KAZN: variants seen among roughly 807,000 people sequenced by gnomAD.
The protein encoded by KAZN is kazrin, periplakin interacting protein, also known as kazrin.
In KAZN, 40 loss-of-function variants were observed where a neutral mutation model predicts 87.4. The observed-to-expected ratio is 0.46, with a 90% CI of 0.36 to 0.60. KAZN has a LOEUF of 0.60. Among genes scored for constraint, KAZN ranks in the 20% least tolerant of loss-of-function variants. The pLI, the probability that KAZN is intolerant of heterozygous loss-of-function variation, is 0.00. For missense variants in KAZN, 898 were observed against 1,073.9 expected, an observed-to-expected ratio of 0.84 and a Z score of 2.29; for synonymous variants, 466 against 458.3, an observed-to-expected ratio of 1.02 and a Z score of -0.22.
At chr1:14,655,894 G>A (rs558372894) in intron 1 of KAZN, among the ~76,000 whole-genome samples, 79 of 152,254 alleles carry the variant, frequency 5.2e-4, no homozygotes, top group African/African-American at 1.8e-3. Context: ...TTTACTGGGG[G>A]CTTACATACA....
At position 15,034,729 on chromosome 1, in the gene KAZN, ACTCT is replaced by A; in HGVS notation, c.419-16_419-13del. 6.2e-7 allele frequency: 1 copy of A among 1,613,710 alleles called. No individual in the cohort carries two copies. The highest frequency in any genetic ancestry group is 8.5e-7 in the Non-Finnish European group (1 of 1,179,864). On this transcript the variant is annotated splice_polypyrimidine_tract_variant and intron_variant, in intron 2 of 14. Transcript: ENST00000376030. ...AGGACAGCTGGGGTCTTGGGAACTAACTCTCTCCTTTATCCCCAGCCATGAAAGC... is the reference window on the plus strand; with the variant it reads ...AGGACAGCTGGGGTCTTGGGAACTAACTCCTTTATCCCCAGCCATGAAAGC...
chr1:14,335,095 A>T (rs1657137984), intron 2 of KAZN, among the ~76,000 whole-genome samples: 1 of 139,076 alleles, frequency 7.2e-6, no homozygotes, highest in Non-Finnish European at 1.6e-5. Flanking sequence ...ATCCCTCATG[A>T]ATGACTCGGT....
At chr1:14,000,918 GACTACAGGCGCCCGCC>G (rs1287908732) in intron 1 of KAZN, among the ~76,000 whole-genome samples, 1 of 151,136 alleles carries the variant, frequency 6.6e-6, no homozygotes, top group African/African-American at 2.4e-5. Context: ...AAGTAGCTGG[GACTACAGGCGCCCGCC>G]ACTACGCCCG....
At chr1:14,040,697 G>A (rs1291709281) in intron 1 of KAZN, among the ~76,000 whole-genome samples, 2 of 151,642 alleles carry the variant, frequency 1.3e-5, no homozygotes, top group African/African-American at 2.4e-5. Context: ...CTCGGGAGGC[G>A]GAGGTTGCGG....
chr1:14,903,162 C>G (rs1656125098), intron 1 of KAZN, among the ~76,000 whole-genome samples: 1 of 152,164 alleles, frequency 6.6e-6, no homozygotes, highest in Admixed American at 6.5e-5. Context: ...AGCCACCACA[C>G]CTGGCCGCCT....
At chr1:14,305,162 A>C (rs1654835161) in intron 2 of KAZN, among the ~76,000 whole-genome samples, 1 of 152,144 alleles carries the variant, frequency 6.6e-6, no homozygotes. Flanking sequence ...TAGCTAGAAA[A>C]TAGTCAGCTG....
intron 2 of KAZN, among the ~76,000 whole-genome samples, chr1:14,534,651 A>AC (rs1672387396): frequency 2.0e-5 from 3 of 152,194 alleles, no homozygotes; most frequent in Non-Finnish European, 4.4e-5. Flanking sequence ...TCTCAAAAAA[A>AC]TAAAAAATAA....
chr1:13,942,432 C>T (rs988921772), intron 1 of KAZN, among the ~76,000 whole-genome samples: 10 of 146,664 alleles, frequency 6.8e-5, no homozygotes, highest in African/African-American at 2.3e-4. Context: ...CCCAGCTACT[C>T]GGGAGGCTGA....
At chr1:14,788,809 G>A (rs917189046) in intron 1 of KAZN, among the ~76,000 whole-genome samples, 5 of 152,082 alleles carry the variant, frequency 3.3e-5, no homozygotes, top group African/African-American at 4.8e-5. Flanking sequence ...ACTTGTACAC[G>A]TAGGAGGTCA....
chr1:14,423,039 T>C (rs1214928775), intron 2 of KAZN, among the ~76,000 whole-genome samples: 2 of 152,250 alleles, frequency 1.3e-5, no homozygotes, highest in African/African-American at 4.8e-5. Context: ...TTATCACTTT[T>C]ATAAACAGAT....
At chr1:14,814,501 A>G (rs937620046) in intron 1 of KAZN, among the ~76,000 whole-genome samples, 1 of 152,218 alleles carries the variant, frequency 6.6e-6, no homozygotes, top group African/African-American at 2.4e-5. Context: ...GGCGTGAGCC[A>G]CTGCGCCTGG....
rs913946936 is a variant in KAZN at position 15,045,181 on chromosome 1, A to G, written c.726+1022A>G. On this transcript the variant is annotated intron_variant, in intron 4 of 14. Coordinates refer to ENST00000376030, the MANE Select transcript of KAZN (RefSeq NM_201628.3). ...CTTAATCCCACCCTACCTTCCCCAC[A>G]GGGTGGCTGGGCAGATCCAGGGAGC... 2.0e-5 allele frequency among the ~76,000 whole-genome samples: 3 copies of G among 152,160 alleles called. No homozygotes were observed. The East Asian group carries it at 5.8e-4, about 29-fold the overall frequency.
chr1:14,681,335 T>C (rs556973904), intron 1 of KAZN, among the ~76,000 whole-genome samples: 33 of 152,246 alleles, frequency 2.2e-4, no homozygotes, highest in African/African-American at 7.2e-4. Flanking sequence ...TATGGACATT[T>C]GTGTTCAAGT....
At chr1:14,384,769 A>G (rs1266696063) in intron 2 of KAZN, among the ~76,000 whole-genome samples, 1 of 151,698 alleles carries the variant, frequency 6.6e-6, no homozygotes, top group East Asian at 2.0e-4. Context: ...ATATTGGTCT[A>G]AAATTCTCTT....
chr1:14,716,105 T>C (rs559887941), intron 1 of KAZN, among the ~76,000 whole-genome samples: 2 of 152,304 alleles, frequency 1.3e-5, no homozygotes, highest in Middle Eastern at 3.4e-3. Context: ...GCCTTCCAAA[T>C]GCCAATATCC....
upstream of KAZN, among the ~76,000 whole-genome samples, chr1:14,598,407 C>G (rs1008804792): frequency 5.1e-4 from 78 of 152,296 alleles, no homozygotes; most frequent in Non-Finnish European, 7.9e-4. This position sits in a 1 kb window ranked among gnomAD's most constrained non-coding sequence, Gnocchi z 4.2. Context: ...CTTAGCACGG[C>G]TCGGGGCACC....
chr1:14,550,075 G>A (rs527549108), intron 2 of KAZN, among the ~76,000 whole-genome samples: 1 of 152,340 alleles, frequency 6.6e-6, no homozygotes, highest in Non-Finnish European at 1.5e-5. Flanking sequence ...TCCCAGGTAC[G>A]CACACCTGTT....
intron 1 of KAZN, among the ~76,000 whole-genome samples, chr1:14,102,965 G>A (rs1408741191): frequency 6.6e-6 from 1 of 150,412 alleles, no homozygotes. Flanking sequence ...CTGGAGTGCA[G>A]TGGCATGATC....
At chr1:14,800,654 T>C (rs1005656052) in intron 1 of KAZN, among the ~76,000 whole-genome samples, 1 of 152,068 alleles carries the variant, frequency 6.6e-6, no homozygotes, top group Non-Finnish European at 1.5e-5. Context: ...CAGCGAGCCA[T>C]GATTGCAACA....
Sources: gnomAD v4.1 joint callset for allele counts (sites outside exome capture counted in the v4.1 genomes callset) on GRCh38, gnomAD v4.1.1 for gene constraint, Gnocchi (gnomAD v3.1) non-coding constraint, MANE v1.5 for transcripts, NCBI Gene and HGNC (gene_info 2026-07-23, HGNC 2026-07-21) for gene names.